The following ANO4 variants were observed in gnomAD, a reference collection of about 807,000 sequenced individuals.
ANO4 encodes anoctamin-4.
Under a neutral mutation model 141.9 loss-of-function variants are expected in ANO4, and 69 were observed. The observed-to-expected ratio is 0.49, with a 90% CI of 0.40 to 0.59. ANO4 has a LOEUF of 0.59. ANO4 is among the 20% of genes least tolerant of loss of function. The pLI, the probability that ANO4 is intolerant of heterozygous loss-of-function variation, is 0.00. For missense variants in ANO4, 894 were observed against 1,162.2 expected, an observed-to-expected ratio of 0.77 and a Z score of 3.36; for synonymous variants, 350 against 394.3, an observed-to-expected ratio of 0.89 and a Z score of 1.33.
rs545258419 is a variant in ANO4, at chr12:101,057,553, A to G, written c.1312+9152A>G. Among the ~76,000 whole-genome samples, 14 of 152,278 alleles carry G rather than the reference A, an allele frequency of 9.2e-5. No individual in the cohort carries two copies. The South Asian group carries it at 2.3e-3, about 25-fold the overall frequency. On this transcript the variant is annotated intron_variant, in intron 14 of 27. Transcript: ENST00000392977. ...GTTTCCTGACTTTTTAGTGATTGCC[A>G]TTCTAACTGGCATGAGATGGTATCT...
At chr12:101,082,585 C>T (rs2049327394) in intron 15 of ANO4, among the ~76,000 whole-genome samples, 6 of 152,220 alleles carry the variant, frequency 3.9e-5, no homozygotes, top group African/African-American at 1.2e-4. Context: ...AAATGAAAGA[C>T]AGAGCCTGCT....
chr12:101,105,616 C>G (rs1244133761), intron 22 of ANO4, among the ~76,000 whole-genome samples: 1 of 151,926 alleles, frequency 6.6e-6, no homozygotes, highest in Non-Finnish European at 1.5e-5. Flanking sequence ...GACTAATAAT[C>G]AAGAGGAAAA....
intron 5 of ANO4, among the ~76,000 whole-genome samples, chr12:100,964,850 C>T (rs997147357): frequency 1.3e-5 from 2 of 152,178 alleles, no homozygotes; most frequent in African/African-American, 2.4e-5. Context: ...CCCACCATTA[C>T]TTTCTATTTT....
chr12:101,033,294 A>C (rs1469743490), intron 9 of ANO4, among the ~76,000 whole-genome samples: 1 of 151,474 alleles, frequency 6.6e-6, no homozygotes, highest in Non-Finnish European at 1.5e-5. Flanking sequence ...AGGAAGGGGA[A>C]CATCACACTC....
At chr12:100,819,352 T>C (rs1214037748) in intron 1 of ANO4, among the ~76,000 whole-genome samples, 2 of 151,866 alleles carry the variant, frequency 1.3e-5, no homozygotes, top group East Asian at 3.9e-4. Flanking sequence ...GTACCAGCAA[T>C]ATAGATAGGA....
chr12:100,975,134 G>T (rs528536632), intron 7 of ANO4, among the ~76,000 whole-genome samples: 1 of 152,050 alleles, frequency 6.6e-6, no homozygotes, highest in Non-Finnish European at 1.5e-5. Flanking sequence ...CTGCAAGTGT[G>T]CTGGGGCTAT....
At chr12:100,735,876 G>A (rs2031587914) in intron 2 of ANO4, among the ~76,000 whole-genome samples, 1 of 152,168 alleles carries the variant, frequency 6.6e-6, no homozygotes, top group Non-Finnish European at 1.5e-5. Context: ...TTCAGGAGAT[G>A]AAGATATTGG....
intron 14 of ANO4, among the ~76,000 whole-genome samples, chr12:101,078,141 T>G (rs2049099220): frequency 6.6e-6 from 1 of 152,226 alleles, no homozygotes; most frequent in Admixed American, 6.5e-5. Context: ...ATTATATTTT[T>G]TTGACATGGC....
In ANO4 at chr12:100,933,205, G is replaced by C. The variant is rs141643391; in HGVS notation, c.161-6110G>C. 2.3e-4 allele frequency among the ~76,000 whole-genome samples: 35 copies of C among 151,726 alleles called. 1 individual carries two copies. In the East Asian group the frequency reaches 6.6e-3, roughly 29 times the overall value. On this transcript the variant is annotated intron_variant, in intron 3 of 27. Coordinates refer to ENST00000392977, the MANE Select transcript of ANO4 (RefSeq NM_001286615.2). ...TACATAGGTATACATGTGCCATGTT[G>C]GTTTGTTGCACCCATCAACTCATCA...
intron 1 of ANO4, among the ~76,000 whole-genome samples, chr12:100,885,280 G>A (rs907384752): frequency 2.0e-5 from 3 of 152,310 alleles, no homozygotes; most frequent in Admixed American, 1.3e-4. Context: ...CCATCATTCT[G>A]TCTACCACAC....
intron 5 of ANO4, among the ~76,000 whole-genome samples, chr12:100,958,949 C>T (rs533112423): frequency 2.0e-4 from 30 of 152,250 alleles, no homozygotes; most frequent in African/African-American, 6.7e-4. Flanking sequence ...AAAGGATAGT[C>T]ATTTTAAATA....
intron 1 of ANO4, among the ~76,000 whole-genome samples, chr12:100,891,223 T>G (rs1357165119): frequency 6.6e-6 from 1 of 152,244 alleles, no homozygotes; most frequent in Non-Finnish European, 1.5e-5. Context: ...GTTTACCTAC[T>G]GAAGGACATC....
chr12:101,026,204 C>T (rs1213952356), intron 9 of ANO4, among the ~76,000 whole-genome samples: 3 of 152,126 alleles, frequency 2.0e-5, no homozygotes, highest in Non-Finnish European at 4.4e-5. Flanking sequence ...GATATAAAAA[C>T]TCAATTGTAT....
chr12:100,785,656 A>G (rs542838339), intron 3 of ANO4, among the ~76,000 whole-genome samples: 1 of 152,342 alleles, frequency 6.6e-6, no homozygotes, highest in African/African-American at 2.4e-5. Flanking sequence ...ACAGAAGGAC[A>G]TCTTGGTTGC....
intron 1 of ANO4, among the ~76,000 whole-genome samples, chr12:100,871,994 A>C (rs924335642): frequency 6.6e-6 from 1 of 152,180 alleles, no homozygotes; most frequent in African/African-American, 2.4e-5. Flanking sequence ...TAGCAATCTT[A>C]CCTGGTATGC....
At chr12:101,054,168 G>A (rs1391888703) in intron 14 of ANO4, among the ~76,000 whole-genome samples, 4 of 152,108 alleles carry the variant, frequency 2.6e-5, no homozygotes, top group Admixed American at 1.3e-4. Flanking sequence ...ATAGAAGAAC[G>A]GTTTGGTAAA....
chr12:100,970,659 C>CGCCTTCCTTCCTT (rs1566071629), intron 5 of ANO4, among the ~76,000 whole-genome samples: 5 of 113,634 alleles, frequency 4.4e-5, no homozygotes, highest in Non-Finnish European at 9.9e-5. Flanking sequence ...CTCCCTCCCT[C>CGCCTTCCTTCCTT]CCTCTCCTTC....
chr12:100,978,037 T>G (rs1192452798), intron 7 of ANO4, among the ~76,000 whole-genome samples: 1 of 152,180 alleles, frequency 6.6e-6, no homozygotes, highest in Non-Finnish European at 1.5e-5. Flanking sequence ...ATTTTTGCCT[T>G]TTGCCCAGGT....
intron 2 of ANO4, among the ~76,000 whole-genome samples, chr12:100,905,107 A>G (rs568211777): frequency 1.3e-5 from 2 of 152,324 alleles, no homozygotes; most frequent in African/African-American, 4.8e-5. Flanking sequence ...GGCTGAGTTC[A>G]GAAGTTTGAT....
Sources: gnomAD v4.1 joint callset for allele counts (sites outside exome capture counted in the v4.1 genomes callset) on GRCh38, gnomAD v4.1.1 for gene constraint, MANE v1.5 for transcripts, NCBI Gene and HGNC (gene_info 2026-07-23, HGNC 2026-07-21) for gene names.